Variants in RFT1 observed in about 807,000 individuals in gnomAD.
The protein encoded by RFT1 is RFT1 glycolipid translocator homolog.
Under a neutral mutation model 62.2 loss-of-function variants are expected in RFT1, and 43 were observed. That is an observed-to-expected ratio of 0.69 (90% CI 0.54 to 0.89). RFT1 has a LOEUF of 0.89. Ranked by LOEUF, RFT1 falls within the 40% of genes least tolerant of loss-of-function variation. The pLI is 0.00. For missense variants in RFT1, 605 were observed against 649.9 expected, an observed-to-expected ratio of 0.93 and a Z score of 0.75; for synonymous variants, 262 against 264.6, an observed-to-expected ratio of 0.99 and a Z score of 0.10.
chr3:53,081,389 C>T, the RFT1 span, among the ~76,000 whole-genome samples: 10 of 152,144 alleles, frequency 6.6e-5, no homozygotes, highest in African/African-American at 2.4e-4. Flanking sequence ...AGGTGAGGTG[C>T]AGGGTGTAGG....
At chr3:53,114,226 G>A (rs566736261) in intron 6 of RFT1, among the ~76,000 whole-genome samples, 9 of 152,300 alleles carry the variant, frequency 5.9e-5, no homozygotes, top group African/African-American at 2.2e-4. Context: ...CCTCCCAGGG[G>A]TCAGCAAAGC....
the RFT1 span, among the ~76,000 whole-genome samples, chr3:53,068,404 C>A: frequency 6.6e-6 from 1 of 152,208 alleles, no homozygotes; most frequent in Non-Finnish European, 1.5e-5. Flanking sequence ...CACGGTGCCT[C>A]CTGCCCAGCA....
chr3:53,087,017 C>A (rs139796029), downstream of RFT1, among the ~76,000 whole-genome samples: 1,366 of 152,286 alleles, frequency 9.0e-3, 16 homozygotes, highest in African/African-American at 0.031. Context: ...GCAGGCAGAT[C>A]ACTTGCGGTC....
chr3:53,084,347 G>A (rs976116457), downstream of RFT1, among the ~76,000 whole-genome samples: 1 of 152,244 alleles, frequency 6.6e-6, no homozygotes, highest in Non-Finnish European at 1.5e-5. Flanking sequence ...AAAGAAGTGA[G>A]GAGTAGATGA....
At chr3:53,119,798 A>G in intron 6 of RFT1, 86 bp downstream of exon 6, 1 of 1,231,542 alleles carries the variant, frequency 8.1e-7, no homozygotes, top group Non-Finnish European at 1.2e-6. Flanking sequence ...TTATGATTAT[A>G]ACAATAAACC....
chr3:53,120,051 A>C, intron 5 of RFT1, 30 bp from the exon 6 acceptor site: 1 of 1,572,866 alleles, frequency 6.4e-7, no homozygotes, highest in South Asian at 1.2e-5. Context: ...GTTTTAATAA[A>C]GGCATAATTA....
the RFT1 span, among the ~76,000 whole-genome samples, chr3:53,067,029 C>G: frequency 6.6e-6 from 1 of 152,182 alleles, no homozygotes. Context: ...GTGGAGGAAT[C>G]TGGAAAACAT....
In RFT1 at chr3:53,091,722, G is replaced by A. The variant is rs1250806424; in HGVS notation, c.*181C>T. On this transcript the variant is annotated 3_prime_UTR_variant, in exon 13 of 13. Transcript: ENST00000296292. Reference sequence around the variant, plus strand: ...CACTTAAAAATGAAACTCCCCCCCCGCATTTCAGACTTCGAATGGTCACAG... The same window carrying A: ...CACTTAAAAATGAAACTCCCCCCCCACATTTCAGACTTCGAATGGTCACAG... 9.0e-6 allele frequency: 6 copies of A among 663,404 alleles called. No homozygotes were observed. Among genetic ancestry groups the A allele is most frequent in the African/African-American group, 3.6e-5 (2 of 55,480 alleles). 41.1% of individuals were successfully genotyped at this position (663,404 alleles called of 1,614,324 possible).
Position 53,091,944 on chromosome 3 carries a change from T to A in RFT1, c.1585A>T (p.Thr529Ser). The A allele has an allele frequency of 6.2e-7, 1 of 1,614,188 alleles. No homozygotes were observed. The highest frequency in any genetic ancestry group is 1.1e-5 in the South Asian group (1 of 91,082). ...TETKLIHFLRTQLGVPRRTDK... is the reference protein window; with the variant it reads ...TETKLIHFLRSQLGVPRRTDK... ...GTGCGTCTGGGCACACCTAACTGAG[T>A]CCTGAGGAAATGGATCAGCTTGGTC... Residue 529 changes from threonine (T) to serine (S), a missense_variant, in exon 13 of 13, where the codon ACT (threonine) becomes TCT (serine). Thr to Ser is a moderately conservative substitution (Grantham distance 58). Coordinates refer to ENST00000296292, the MANE Select transcript of RFT1 (RefSeq NM_052859.4).
Position 53,092,558 on chromosome 3 carries a change from G to A in RFT1, c.1269C>T (p.Thr423=). 4 of 1,612,646 alleles carry A rather than the reference G, an allele frequency of 2.5e-6. No individual in the cohort carries two copies. In the Admixed American group the frequency reaches 5.0e-5, roughly 20 times the overall value. ...SSFLVLSYLL[T]RWCGSVGFIL... Reference sequence around the variant, plus strand: ...TGAAGCCCACGCTGCCACACCAACGGGTCAAGAGATAGGATAACACCAGGA... The same window carrying A: ...TGAAGCCCACGCTGCCACACCAACGAGTCAAGAGATAGGATAACACCAGGA... The change falls in exon 12 of 13, where the codon ACC becomes ACT. Residue 423 remains threonine (T), a synonymous_variant. Coordinates refer to ENST00000296292, the MANE Select transcript of RFT1 (RefSeq NM_052859.4).
intron 10 of RFT1, among the ~76,000 whole-genome samples, chr3:53,100,848 G>A (rs1027119399): frequency 1.3e-5 from 2 of 152,056 alleles, no homozygotes; most frequent in African/African-American, 2.4e-5. Flanking sequence ...GTCTGAATCT[G>A]TTTGGTAGTT....
At chr3:53,126,211 C>G (rs1172987181) in intron 1 of RFT1, among the ~76,000 whole-genome samples, 1 of 152,152 alleles carries the variant, frequency 6.6e-6, no homozygotes, top group Admixed American at 6.5e-5. Context: ...AGTCAAAGAA[C>G]CCAGGAAGGC....
At chr3:53,115,168 T>G (rs1701757506) in intron 6 of RFT1, among the ~76,000 whole-genome samples, 1 of 152,208 alleles carries the variant, frequency 6.6e-6, no homozygotes, top group Admixed American at 6.5e-5. Context: ...CCTATCCTTC[T>G]CATTGCAGGT....
At chr3:53,081,811 G>C in the RFT1 span, among the ~76,000 whole-genome samples, 1 of 152,146 alleles carries the variant, frequency 6.6e-6, no homozygotes, top group Non-Finnish European at 1.5e-5. Flanking sequence ...ATGTTTGTGC[G>C]AAACAATTAC....
At position 53,119,908 on chromosome 3, in the gene RFT1, C is replaced by T. The variant is rs767122909; in HGVS notation, c.672G>A (p.Leu224=). Residue 224 remains leucine, a synonymous_variant, in exon 6 of 13, where the codon CTG becomes CTA. Transcript: ENST00000296292. ...QTLPVSRITD[L]LPNITRNGAF... The stretch of plus-strand genomic sequence containing the variant: ...CTCCATTTCTTGTAATATTGGGTAA[C>T]AGATCTGTTATTCTGGAGACAGGAA... The T allele has an allele frequency of 2.5e-6, 4 of 1,612,104 alleles. 1 individual carries two copies. The South Asian group carries it at 4.4e-5, about 18-fold the overall frequency.
chr3:53,123,770 C>T lies in RFT1; in HGVS notation c.220G>A (p.Gly74Ser), dbSNP rs2107168140. 1.2e-6 allele frequency: 2 copies of T among 1,614,166 alleles called. No homozygotes were observed. Among genetic ancestry groups the T allele is most frequent in the East Asian group, 2.2e-5 (1 of 44,888 alleles). The change falls in exon 3 of 13, where the codon GGC (glycine) becomes AGC (serine). Residue 74 changes from glycine (G) to serine (S), a missense_variant. By Grantham distance (56) the Gly-to-Ser change is moderately conservative. Coordinates refer to ENST00000296292, the MANE Select transcript of RFT1 (RefSeq NM_052859.4). ...GTCTGGCTCCAGTCTCGCTGGGTGC[C>T]CCCACTGAGACATGCTCTGCGGAAG... ...EAFRRACLSG[G>S]TQRDWSQTLN...
chr3:53,117,493 C>T (rs903942928), intron 6 of RFT1, among the ~76,000 whole-genome samples: 9 of 152,282 alleles, frequency 5.9e-5, no homozygotes, highest in African/African-American at 1.7e-4. Flanking sequence ...CCAAGCATGG[C>T]GCCATGTTCT....
chr3:53,092,226 T>C, intron 12 of RFT1, 143 bp downstream of exon 12: 4 of 1,419,220 alleles, frequency 2.8e-6, no homozygotes, highest in Non-Finnish European at 3.9e-6. Context: ...GGCAACATTC[T>C]CTTGTCACAT....
At position 53,121,747 on chromosome 3, in the gene RFT1, G is replaced by A. The variant is rs775213759; in HGVS notation, c.510C>T (p.Leu170=). 5 of 1,614,040 alleles carry A rather than the reference G, an allele frequency of 3.1e-6. No individual in the cohort carries two copies. Among genetic ancestry groups the A allele is most frequent in the Admixed American group, 3.3e-5 (2 of 60,000 alleles). The part of the protein sequence containing the change: ...VILKSVLTAF[L]VLWLPHWGLY... ...ATCCCCAGTGAGGCAACCACAGCACGAGAAAAGCTGTCAGAACGCTCTTAA... is the reference window on the plus strand; with the variant it reads ...ATCCCCAGTGAGGCAACCACAGCACAAGAAAAGCTGTCAGAACGCTCTTAA... Residue 170 remains leucine (L), a synonymous_variant, in exon 5 of 13, where the codon CTC becomes CTT. Coordinates refer to ENST00000296292, the MANE Select transcript of RFT1 (RefSeq NM_052859.4).
Sources: allele counts gnomAD v4.1 joint callset (sites outside exome capture counted in the v4.1 genomes callset), GRCh38; gene constraint gnomAD v4.1.1; transcripts MANE v1.5; gene names NCBI Gene and HGNC (gene_info 2026-07-23, HGNC 2026-07-21).